ZC3H12B: variants seen among roughly 807,000 people sequenced by gnomAD.
ZC3H12B encodes zinc finger CCCH-type containing 12B.
Under a neutral mutation model 43.9 loss-of-function variants are expected in ZC3H12B, and 7 were observed. The ratio of observed to expected loss-of-function variants is 0.16; its 90% CI spans 0.09 to 0.30. ZC3H12B has a LOEUF of 0.30. Ranked by LOEUF, ZC3H12B falls within the 10% of genes least tolerant of loss-of-function variation. The pLI is 1.00. For synonymous variants in ZC3H12B, 222 were observed against 241.7 expected (o/e 0.92, Z 0.76); for missense variants, 475 against 670.2 (o/e 0.71, Z 3.22).
the ZC3H12B span, among the ~76,000 whole-genome samples, chrX:65,224,810 C>T: frequency 3.5e-3 from 396 of 111,900 alleles, no homozygotes; most frequent in Admixed American, 9.3e-3. Context: ...AAGGTGGCAG[C>T]GAGGCTGGGG....
At chrX:65,281,583 T>A in the ZC3H12B span, among the ~76,000 whole-genome samples, 16 of 112,273 alleles carry the variant, frequency 1.4e-4, no homozygotes, top group African/African-American at 4.8e-4. Flanking sequence ...GAAAGGACAG[T>A]GTCTTTGGTA....
At chrX:65,237,181 A>G in the ZC3H12B span, among the ~76,000 whole-genome samples, 4 of 112,172 alleles carry the variant, frequency 3.6e-5, no homozygotes, top group Admixed American at 9.4e-5. Context: ...ATCCATGAGC[A>G]TGGAATGTTC....
the ZC3H12B span, among the ~76,000 whole-genome samples, chrX:65,053,249 C>T: frequency 8.1e-5 from 9 of 110,639 alleles, no homozygotes; most frequent in Admixed American, 7.7e-4. Flanking sequence ...TAATGCTATC[C>T]GTCCCCACTC....
At chrX:65,273,254 G>C in the ZC3H12B span, among the ~76,000 whole-genome samples, 1 of 111,819 alleles carries the variant, frequency 8.9e-6, no homozygotes, top group Non-Finnish European at 1.9e-5. Context: ...CAGTTCCAAA[G>C]TTTTAAAAAG....
the ZC3H12B span, among the ~76,000 whole-genome samples, chrX:65,138,644 A>T: frequency 9.0e-6 from 1 of 111,318 alleles, no homozygotes; most frequent in African/African-American, 3.3e-5. Flanking sequence ...TTTATTTTTA[A>T]TTTTTCGAAG....
chrX:65,069,347 T>C, the ZC3H12B span, among the ~76,000 whole-genome samples: 1 of 107,323 alleles, frequency 9.3e-6, no homozygotes, highest in Non-Finnish European at 1.9e-5. Flanking sequence ...CCTCTCAATG[T>C]ATATTTTAAA....
At chrX:65,254,939 A>C in the ZC3H12B span, among the ~76,000 whole-genome samples, 2 of 111,978 alleles carry the variant, frequency 1.8e-5, no homozygotes, top group Admixed American at 1.9e-4. Context: ...TAACAGCAGA[A>C]TCAACCAAGC....
intron 2 of ZC3H12B, among the ~76,000 whole-genome samples, chrX:65,386,813 T>A (rs1396936351): frequency 9.0e-6 from 1 of 111,444 alleles, no homozygotes; most frequent in African/African-American, 3.3e-5. Flanking sequence ...ACACACTGCT[T>A]TGAATGTGTC....
At chrX:65,106,234 A>T in the ZC3H12B span, among the ~76,000 whole-genome samples, 1 of 111,918 alleles carries the variant, frequency 8.9e-6, no homozygotes, top group African/African-American at 3.2e-5. Flanking sequence ...GGCATCCACT[A>T]ATCATTAATA....
At chrX:65,209,841 G>T in the ZC3H12B span, among the ~76,000 whole-genome samples, 4 of 99,310 alleles carry the variant, frequency 4.0e-5, no homozygotes, top group Non-Finnish European at 7.9e-5. Context: ...TTAATAAATG[G>T]TGCTGGGAAA....
the ZC3H12B span, among the ~76,000 whole-genome samples, chrX:65,319,810 T>TA: frequency 8.2e-5 from 9 of 110,382 alleles, no homozygotes; most frequent in South Asian, 1.2e-3. Flanking sequence ...TAAACAGAAC[T>TA]AAAAAAAACA....
chrX:65,329,956 G>C, the ZC3H12B span, among the ~76,000 whole-genome samples: 11 of 112,096 alleles, frequency 9.8e-5, no homozygotes, highest in African/African-American at 3.6e-4. Context: ...CTGTAGACTT[G>C]TAGTATAGTT....
the ZC3H12B span, among the ~76,000 whole-genome samples, chrX:65,149,544 T>A: frequency 9.1e-6 from 1 of 109,594 alleles, no homozygotes; most frequent in East Asian, 2.9e-4. Context: ...GATGGGAGGA[T>A]CCCGAGGTCA....
the ZC3H12B span, among the ~76,000 whole-genome samples, chrX:65,261,788 C>A: frequency 9.1e-6 from 1 of 110,028 alleles, no homozygotes; most frequent in Non-Finnish European, 1.9e-5. Flanking sequence ...ACATGTAATA[C>A]CCAGATATTA....
chrX:65,054,869 C>T, the ZC3H12B span, among the ~76,000 whole-genome samples: 1 of 111,278 alleles, frequency 9.0e-6, no homozygotes, highest in Admixed American at 9.6e-5. Flanking sequence ...GGAGTTCACT[C>T]ATGATTTGGC....
chrX:65,201,210 C>T, the ZC3H12B span, among the ~76,000 whole-genome samples: 2 of 111,583 alleles, frequency 1.8e-5, no homozygotes, highest in East Asian at 5.6e-4. Context: ...CTATTTACTA[C>T]CACCTCAATT....
the ZC3H12B span, among the ~76,000 whole-genome samples, chrX:65,193,189 A>G: frequency 9.2e-6 from 1 of 109,156 alleles, no homozygotes; most frequent in Non-Finnish European, 1.9e-5. Flanking sequence ...ATGAGTATGG[A>G]AGTCTTCCTT....
the ZC3H12B span, among the ~76,000 whole-genome samples, chrX:65,182,546 G>A: frequency 9.0e-6 from 1 of 110,870 alleles, no homozygotes; most frequent in African/African-American, 3.3e-5. Flanking sequence ...GACACCAAAA[G>A]CAATTGTAAC....
At chrX:65,222,713 C>T in the ZC3H12B span, among the ~76,000 whole-genome samples, 3 of 108,917 alleles carry the variant, frequency 2.8e-5, no homozygotes, top group Non-Finnish European at 5.7e-5. Flanking sequence ...AAACTAAAAA[C>T]ACTATTGAAA....
Sources: allele counts gnomAD v4.1 joint callset (sites outside exome capture counted in the v4.1 genomes callset), GRCh38; gene constraint gnomAD v4.1.1; transcripts MANE v1.5; gene names NCBI Gene and HGNC (gene_info 2026-07-23, HGNC 2026-07-21).